PTPRD: variants seen among roughly 807,000 people sequenced by gnomAD.
The protein encoded by PTPRD is receptor-type tyrosine-protein phosphatase delta.
In PTPRD, 34 loss-of-function variants were observed where a neutral mutation model predicts 214.5. The observed-to-expected ratio is 0.16, with a 90% CI of 0.12 to 0.21. The LOEUF is 0.21. PTPRD is among the 10% of genes least tolerant of loss of function. The pLI is 1.00. For missense variants in PTPRD, 2,545 were observed against 2,398.7 expected, an observed-to-expected ratio of 1.06 and a Z score of -1.27; for synonymous variants, 1,128 against 845.7, an observed-to-expected ratio of 1.33 and a Z score of -5.79.
At chr9:8,796,706 T>A (rs544347922) in intron 11 of PTPRD, among the ~76,000 whole-genome samples, 2 of 152,272 alleles carry the variant, frequency 1.3e-5, no homozygotes, top group South Asian at 4.1e-4. Flanking sequence ...ATAATAGATT[T>A]ATGTAGGAGA....
At chr9:9,608,351 A>G (rs764073830) in intron 7 of PTPRD, among the ~76,000 whole-genome samples, 3 of 152,220 alleles carry the variant, frequency 2.0e-5, no homozygotes, top group African/African-American at 7.2e-5. Flanking sequence ...CCTTATTGAT[A>G]CATCGTCTTT....
intron 4 of PTPRD, among the ~76,000 whole-genome samples, chr9:10,007,791 C>CTTA (rs2096517765): frequency 6.6e-6 from 1 of 151,880 alleles, no homozygotes; most frequent in African/African-American, 2.4e-5. Flanking sequence ...TGTCCAAAAT[C>CTTA]AGAACTTGTT....
rs2098925364 is a variant in PTPRD at position 10,457,259 on chromosome 9, T to C, written c.-599-116242A>G. 5.3e-5 allele frequency among the ~76,000 whole-genome samples: 8 copies of C among 152,092 alleles called. 1 individual carries two copies. Among genetic ancestry groups the C allele is most frequent in the Middle Eastern group, 6.8e-3 (2 of 294 alleles). ...TTATTTTTATATGTGTATATACCTATAAAATGGCTACCTGGATCGGGATAT... is the reference window on the plus strand; with the variant it reads ...TTATTTTTATATGTGTATATACCTACAAAATGGCTACCTGGATCGGGATAT... On this transcript the variant is annotated intron_variant, in intron 2 of 45. Coordinates refer to ENST00000381196, the MANE Select transcript of PTPRD (RefSeq NM_002839.4).
At chr9:9,914,827 A>G (rs2080240097) in intron 5 of PTPRD, among the ~76,000 whole-genome samples, 1 of 152,044 alleles carries the variant, frequency 6.6e-6, no homozygotes. Flanking sequence ...ATGCCCCCAA[A>G]CTAGCTAGGA....
At chr9:9,758,189 T>C (rs896061097) in intron 6 of PTPRD, among the ~76,000 whole-genome samples, 9 of 150,938 alleles carry the variant, frequency 6.0e-5, no homozygotes, top group Non-Finnish European at 1.5e-5. Context: ...GCAGACTTTT[T>C]TTTTTATTCC....
At position 8,957,247 on chromosome 9, in the gene PTPRD, T is replaced by C. The variant is rs563310850; in HGVS notation, c.-104+61450A>G. On this transcript the variant is annotated intron_variant, in intron 11 of 45. Coordinates refer to ENST00000381196, the MANE Select transcript of PTPRD (RefSeq NM_002839.4). The stretch of plus-strand genomic sequence containing the variant: ...ATCTAAATATAGTCCCCAAATTTTC[T>C]GGGGCTACCTACTCCTCCAGAAAAA... 3.1e-4 allele frequency among the ~76,000 whole-genome samples: 47 copies of C among 151,930 alleles called. 1 individual carries two copies. The highest frequency in any genetic ancestry group is 1.1e-3 in the African/African-American group (45 of 41,518).
intron 10 of PTPRD, among the ~76,000 whole-genome samples, chr9:9,091,952 G>A (rs1459716248): frequency 6.6e-6 from 1 of 152,126 alleles, no homozygotes; most frequent in Non-Finnish European, 1.5e-5. Flanking sequence ...CTATCTGCCA[G>A]GATTAGACAA....
At chr9:9,592,076 G>A (rs1440791592) in intron 7 of PTPRD, among the ~76,000 whole-genome samples, 1 of 151,646 alleles carries the variant, frequency 6.6e-6, no homozygotes. Flanking sequence ...TTTTCTTAAG[G>A]CTTTTTTCAA....
chr9:8,872,959 T>C (rs987935934), intron 11 of PTPRD, among the ~76,000 whole-genome samples: 2 of 152,184 alleles, frequency 1.3e-5, no homozygotes, highest in African/African-American at 2.4e-5. Context: ...ATAGAGTTAC[T>C]CACCAACTGA....
At chr9:8,602,905 C>T (rs2154278872) in intron 14 of PTPRD, among the ~76,000 whole-genome samples, 1 of 150,412 alleles carries the variant, frequency 6.6e-6, no homozygotes. Context: ...ATTCATTCAT[C>T]TGCATAAACT....
At chr9:9,066,277 TAA>T (rs565035428) in intron 10 of PTPRD, among the ~76,000 whole-genome samples, 2 of 152,220 alleles carry the variant, frequency 1.3e-5, no homozygotes, top group African/African-American at 4.8e-5. Context: ...ATCACTGGGG[TAA>T]AGTCACCTTG....
intron 7 of PTPRD, among the ~76,000 whole-genome samples, chr9:9,671,232 G>T (rs1284606684): frequency 6.6e-6 from 1 of 152,142 alleles, no homozygotes; most frequent in Admixed American, 6.5e-5. Flanking sequence ...TGACTGCTCT[G>T]CTGGATTTCA....
chr9:10,451,637 T>A (rs1341631569), intron 2 of PTPRD, among the ~76,000 whole-genome samples: 1 of 151,650 alleles, frequency 6.6e-6, no homozygotes, highest in Non-Finnish European at 1.5e-5. Flanking sequence ...ATCAGTGACA[T>A]CAGTGTGTGG....
At chr9:10,197,288 A>C (rs1018360615) in intron 3 of PTPRD, among the ~76,000 whole-genome samples, 3 of 152,124 alleles carry the variant, frequency 2.0e-5, no homozygotes, top group African/African-American at 7.2e-5. Context: ...TTATAAATTT[A>C]GTCAATGAGA....
chr9:9,649,829 T>C (rs1285442617), intron 7 of PTPRD, among the ~76,000 whole-genome samples: 1 of 152,222 alleles, frequency 6.6e-6, no homozygotes, highest in African/African-American at 2.4e-5. Context: ...AATAAAATAT[T>C]TTGAATTTTA....
intron 3 of PTPRD, among the ~76,000 whole-genome samples, chr9:10,219,329 T>A (rs1350030682): frequency 6.6e-6 from 1 of 151,958 alleles, no homozygotes; most frequent in East Asian, 1.9e-4. Flanking sequence ...TGAATTCTTA[T>A]AAGTAAATAC....
chr9:9,328,748 C>T (rs1003389995), intron 9 of PTPRD, among the ~76,000 whole-genome samples: 3 of 147,734 alleles, frequency 2.0e-5, no homozygotes, highest in African/African-American at 7.4e-5. Flanking sequence ...GAGATTCTTG[C>T]ATCTCAGCCT....
At chr9:8,574,376 A>C (rs185142485) in intron 14 of PTPRD, among the ~76,000 whole-genome samples, 1 of 151,966 alleles carries the variant, frequency 6.6e-6, no homozygotes, top group African/African-American at 2.4e-5. Context: ...CCTCTGATAA[A>C]AACATCTGAA....
intron 3 of PTPRD, among the ~76,000 whole-genome samples, chr9:10,112,410 T>A (rs965777889): frequency 6.6e-6 from 1 of 152,154 alleles, no homozygotes; most frequent in African/African-American, 2.4e-5. Context: ...CAATGATGTA[T>A]CTTCCAACTG....
Sources: gnomAD v4.1 joint callset for allele counts (sites outside exome capture counted in the v4.1 genomes callset) on GRCh38, gnomAD v4.1.1 for gene constraint, MANE v1.5 for transcripts, NCBI Gene and HGNC (gene_info 2026-07-23, HGNC 2026-07-21) for gene names.